ATP10B: variants seen among roughly 807,000 people sequenced by gnomAD.
ATP10B encodes the protein phospholipid-transporting ATPase VB.
Under a neutral mutation model 141.2 loss-of-function variants are expected in ATP10B, and 122 were observed. That is an observed-to-expected ratio of 0.86 (90% confidence interval 0.75 to 1.00). The LOEUF (loss-of-function observed/expected upper bound fraction) is 1.00, where lower values mean the gene tolerates loss of function less well. ATP10B is among the 50% of genes least tolerant of loss of function. The pLI, the probability that ATP10B is intolerant of heterozygous loss-of-function variation, is 0.00. For missense variants in ATP10B, 1,876 were observed against 1,825.3 expected (o/e 1.03, Z -0.51); for synonymous variants, 685 against 692.0 (o/e 0.99, Z 0.16).
At chr5:160,928,286 G>A in the ATP10B span, among the ~76,000 whole-genome samples, 1 of 152,126 alleles carries the variant, frequency 6.6e-6, no homozygotes, top group African/African-American at 2.4e-5. Flanking sequence ...TTTTTGACAG[G>A]GACTCTTAAC....
At chr5:160,612,511 A>C in intron 18 of ATP10B, 1 of 367,292 alleles carries the variant, frequency 2.7e-6, no homozygotes, top group Non-Finnish European at 4.9e-6. Context: ...TCTAACAAGC[A>C]GTGCCAGAAG....
intron 1 of ATP10B, among the ~76,000 whole-genome samples, chr5:160,825,294 T>C (rs1271937880): frequency 6.6e-6 from 1 of 152,208 alleles, no homozygotes; most frequent in Non-Finnish European, 1.5e-5. Flanking sequence ...CCATAATTCC[T>C]TCATGTTGTG....
chr5:160,836,843 A>AT (rs1238332613), intron 1 of ATP10B, among the ~76,000 whole-genome samples: 3 of 152,004 alleles, frequency 2.0e-5, no homozygotes, highest in Middle Eastern at 3.2e-3. Flanking sequence ...TTTTCCTTAT[A>AT]TTCCACAGTG....
At chr5:160,663,094 A>G (rs1762057853) in intron 7 of ATP10B, among the ~76,000 whole-genome samples, 1 of 152,216 alleles carries the variant, frequency 6.6e-6, no homozygotes, top group Non-Finnish European at 1.5e-5. Context: ...ATGAGATACC[A>G]TCTCACACCA....
intron 1 of ATP10B, among the ~76,000 whole-genome samples, chr5:160,820,283 G>T (rs1156865542): frequency 2.0e-5 from 3 of 151,792 alleles, no homozygotes; most frequent in Non-Finnish European, 4.4e-5. Context: ...AAGAAGAAAT[G>T]AACAAATTCC....
chr5:160,699,997 G>T (rs1441782424), intron 3 of ATP10B, among the ~76,000 whole-genome samples: 1 of 152,076 alleles, frequency 6.6e-6, no homozygotes, highest in Non-Finnish European at 1.5e-5. Flanking sequence ...TTGACTGGGG[G>T]TCTAGAAGTC....
intron 11 of ATP10B, 58 bp downstream of exon 11, chr5:160,636,124 G>A: frequency 6.5e-7 from 1 of 1,528,196 alleles, no homozygotes; most frequent in Non-Finnish European, 8.8e-7. Context: ...ATTTTACAAA[G>A]TTGTAGGAGT....
chr5:160,742,394 GA>G (rs368213953), intron 2 of ATP10B, among the ~76,000 whole-genome samples: 326 of 142,732 alleles, frequency 2.3e-3, no homozygotes, highest in Middle Eastern at 3.5e-3. Context: ...TTTGCCACTT[GA>G]AAAAAAAAAA....
intron 19 of ATP10B, among the ~76,000 whole-genome samples, chr5:160,605,370 T>G (rs1757322218): frequency 6.6e-6 from 1 of 152,226 alleles, no homozygotes; most frequent in African/African-American, 2.4e-5. Context: ...ATCTTCCCCA[T>G]GCAAAACAAA....
intron 2 of ATP10B, among the ~76,000 whole-genome samples, chr5:160,723,525 A>C (rs1315013830): frequency 6.6e-6 from 1 of 152,184 alleles, no homozygotes; most frequent in African/African-American, 2.4e-5. Context: ...CAGATGAGAA[A>C]ATTGAGGCAG....
At chr5:160,636,508 A>G (rs1243361068) in intron 10 of ATP10B, among the ~76,000 whole-genome samples, 199 bp from the exon 11 acceptor site, 3 of 152,218 alleles carry the variant, frequency 2.0e-5, no homozygotes, top group Non-Finnish European at 2.9e-5. Context: ...TTCTTCGTAT[A>G]CATTTCAATC....
intron 3 of ATP10B, among the ~76,000 whole-genome samples, chr5:160,709,580 A>T (rs929594038): frequency 6.7e-6 from 1 of 149,768 alleles, no homozygotes; most frequent in Non-Finnish European, 1.5e-5. Flanking sequence ...TGCAATGGAT[A>T]CTTTCATAAA....
At chr5:160,828,251 A>G (rs371201928) in intron 1 of ATP10B, among the ~76,000 whole-genome samples, 24 of 152,310 alleles carry the variant, frequency 1.6e-4, no homozygotes, top group East Asian at 1.5e-3. Context: ...AGCAAAAGAA[A>G]CTACCATCAG....
intron 3 of ATP10B, among the ~76,000 whole-genome samples, chr5:160,705,362 C>CA (rs1764945776): frequency 6.6e-6 from 1 of 152,158 alleles, no homozygotes; most frequent in Non-Finnish European, 1.5e-5. Flanking sequence ...GCTGGGACTA[C>CA]AGGTGCAGGC....
intron 1 of ATP10B, among the ~76,000 whole-genome samples, chr5:160,796,231 C>G (rs1771942050): frequency 6.6e-6 from 1 of 152,228 alleles, no homozygotes; most frequent in South Asian, 2.1e-4. Flanking sequence ...CCTGAGAACT[C>G]TCTTTTCCAG....
At chr5:160,699,410 A>G (rs910252023) in intron 3 of ATP10B, among the ~76,000 whole-genome samples, 4 of 152,232 alleles carry the variant, frequency 2.6e-5, no homozygotes, top group Non-Finnish European at 5.9e-5. Context: ...AAAGTTGTTC[A>G]AAGTTCATGA....
At position 160,653,704 on chromosome 5, in the gene ATP10B, AATAT is replaced by A. The variant is rs1761185655; in HGVS notation, c.676-4452_676-4449del. Among the ~76,000 whole-genome samples, 5 of 95,902 alleles carry A rather than the reference AATAT, an allele frequency of 5.2e-5. No homozygotes were observed. The South Asian group carries it at 1.5e-3, about 29-fold the overall frequency. 62.9% of individuals were successfully genotyped at this position (95,902 alleles called of 152,430 possible). On this transcript the variant is annotated intron_variant, in intron 7 of 25. Coordinates refer to ENST00000327245, the MANE Select transcript of ATP10B (RefSeq NM_025153.3). Reference sequence around the variant, plus strand: ...TACATATATACATATATACATATACAATATATACATATATACATATATATTATAT... The same window carrying A: ...TACATATATACATATATACATATACAATACATATATACATATATATTATAT...
At chr5:160,887,224 A>G in the ATP10B span, among the ~76,000 whole-genome samples, 65 of 152,326 alleles carry the variant, frequency 4.3e-4, no homozygotes, top group Non-Finnish European at 6.8e-4. Context: ...TTGATATAAA[A>G]TGGTACACTA....
intron 1 of ATP10B, among the ~76,000 whole-genome samples, chr5:160,807,314 C>T (rs897293017): frequency 2.0e-5 from 3 of 152,104 alleles, no homozygotes; most frequent in South Asian, 2.1e-4. Flanking sequence ...TCACTGTAAA[C>T]CATTTTTTTT....
Sources: gnomAD v4.1 joint callset for allele counts (sites outside exome capture counted in the v4.1 genomes callset) on GRCh38, gnomAD v4.1.1 for gene constraint, MANE v1.5 for transcripts, NCBI Gene and HGNC (gene_info 2026-07-23, HGNC 2026-07-21) for gene names.